TMEM132B: variants seen among roughly 807,000 people sequenced by gnomAD.
TMEM132B encodes the protein transmembrane protein 132B.
TMEM132B carries 18 observed loss-of-function variants against 90.8 expected under a neutral mutation model. The ratio of observed to expected loss-of-function variants is 0.20; its 90% CI spans 0.14 to 0.29. The LOEUF is 0.29. Among genes scored for constraint, TMEM132B ranks in the 10% least tolerant of loss-of-function variants. The pLI, the probability that TMEM132B is intolerant of heterozygous loss-of-function variation, is 1.00. For synonymous variants in TMEM132B, 504 were observed against 523.3 expected (o/e 0.96, Z 0.50); for missense variants, 1,096 against 1,326.8 (o/e 0.83, Z 2.70).
At chr12:125,466,976 G>A (rs1232197072) in intron 3 of TMEM132B, among the ~76,000 whole-genome samples, 5 of 152,194 alleles carry the variant, frequency 3.3e-5, no homozygotes, top group African/African-American at 7.2e-5. Context: ...CACACTGTTC[G>A]CGATGGATCA....
intron 3 of TMEM132B, among the ~76,000 whole-genome samples, chr12:125,455,074 C>T (rs1005290756): frequency 1.3e-5 from 2 of 151,794 alleles, no homozygotes; most frequent in South Asian, 2.1e-4. Flanking sequence ...CAACCATTGA[C>T]GATTCAAGGG....
At chr12:125,274,344 A>G (rs905318619) in intron 1 of TMEM132B, among the ~76,000 whole-genome samples, 1 of 152,166 alleles carries the variant, frequency 6.6e-6, no homozygotes, top group Non-Finnish European at 1.5e-5. Context: ...TGCTGTGAAC[A>G]TTTTTGTATG....
intron 1 of TMEM132B, among the ~76,000 whole-genome samples, chr12:125,323,064 A>G (rs1876472372): frequency 6.6e-6 from 1 of 152,024 alleles, no homozygotes; most frequent in South Asian, 2.1e-4. Flanking sequence ...TCCACATTCC[A>G]TCGTGTGCCT....
rs114282199 is a variant in TMEM132B, at chr12:125,426,547, G to A, written c.1106+10870G>A. 7.6e-3 allele frequency among the ~76,000 whole-genome samples: 1,157 copies of A among 152,274 alleles called. 16 individuals are homozygous for A. Among genetic ancestry groups the A allele is most frequent in the African/African-American group, 0.025 (1,057 of 41,538 alleles). On this transcript the variant is annotated intron_variant, in intron 3 of 8. Transcript: ENST00000682704. ...AAAAAGTCTTATTTTTGGCCCCTGA[G>A]TCTTCCTGATGACCAGGAGGTTCTC...
At chr12:125,491,254 A>T (rs1378266036) in intron 3 of TMEM132B, among the ~76,000 whole-genome samples, 4 of 151,556 alleles carry the variant, frequency 2.6e-5, no homozygotes, top group Non-Finnish European at 5.9e-5. Context: ...TTAAATTATT[A>T]TTTTTAAAAT....
At chr12:125,639,798 G>T (rs186590743) in intron 5 of TMEM132B, among the ~76,000 whole-genome samples, 1 of 152,298 alleles carries the variant, frequency 6.6e-6, no homozygotes, top group East Asian at 1.9e-4. Flanking sequence ...ATTAGGAGTG[G>T]CTCCGGGAAT....
chr12:125,541,150 T>C (rs1883946517), intron 4 of TMEM132B, among the ~76,000 whole-genome samples: 1 of 152,246 alleles, frequency 6.6e-6, no homozygotes, highest in African/African-American at 2.4e-5. Flanking sequence ...ACTCCTTTTA[T>C]GCTGCTTCAG....
intron 1 of TMEM132B, among the ~76,000 whole-genome samples, chr12:125,309,463 T>C (rs935006382): frequency 3.3e-5 from 5 of 152,184 alleles, no homozygotes; most frequent in African/African-American, 4.8e-5. Context: ...TATCTGATGT[T>C]CTCATTCATT....
intron 2 of TMEM132B, among the ~76,000 whole-genome samples, chr12:125,360,756 G>C (rs1877933526): frequency 1.3e-5 from 2 of 151,754 alleles, no homozygotes; most frequent in South Asian, 4.2e-4. Flanking sequence ...GCAGGTTTTG[G>C]ATCAATTAAA....
chr12:125,349,318 C>A lies in TMEM132B; in HGVS notation c.68-134C>A. 1.1e-6 allele frequency: 1 copy of A among 942,404 alleles called. No individual in the cohort carries two copies. The highest frequency in any genetic ancestry group is 2.5e-5 in the East Asian group (1 of 40,562). The allele number at this position is 942,404 out of a possible 1,614,324, so 58.4% of individuals were successfully genotyped here. On this transcript the variant is annotated intron_variant, in intron 1 of 8. Coordinates refer to ENST00000682704, the MANE Select transcript of TMEM132B (RefSeq NM_001366854.1). The surrounding 1 kb of genome is among the most constrained non-coding windows in gnomAD (Gnocchi z 4.1). The stretch of plus-strand genomic sequence containing the variant: ...ATACTTTATATAATTACAGGGCTTT[C>A]ACTGTGATGAGACCTGGGGGAGAAA...
At chr12:125,631,167 G>C (rs1192909989) in intron 5 of TMEM132B, among the ~76,000 whole-genome samples, 1 of 151,670 alleles carries the variant, frequency 6.6e-6, no homozygotes, top group Non-Finnish European at 1.5e-5. Context: ...GTATGCCATA[G>C]GTTTTCTTAT....
At chr12:125,249,826 G>C (rs892860573) in intron 1 of TMEM132B, among the ~76,000 whole-genome samples, 1 of 152,216 alleles carries the variant, frequency 6.6e-6, no homozygotes, top group South Asian at 2.1e-4. Flanking sequence ...TTAATCTCAT[G>C]TCACAGTTAG....
In TMEM132B at chr12:125,605,794, C is replaced by T. The variant is rs149681538; in HGVS notation, c.1437+21800C>T. Reference sequence around the variant, plus strand: ...AAAGAGAATAAGGATGTTGGTTCACCATCCCCCAGGTTTTAGGTTTCAGAT... The same window carrying T: ...AAAGAGAATAAGGATGTTGGTTCACTATCCCCCAGGTTTTAGGTTTCAGAT... On this transcript the variant is annotated intron_variant, in intron 5 of 8. Coordinates refer to ENST00000682704, the MANE Select transcript of TMEM132B (RefSeq NM_001366854.1). Among the ~76,000 whole-genome samples the T allele has an allele frequency of 1.8e-3, 268 of 152,266 alleles. 2 individuals carry two copies. The highest frequency in any genetic ancestry group is 5.8e-3 in the African/African-American group (243 of 41,556).
rs528614393 is a variant in TMEM132B at position 125,535,790 on chromosome 12, T to C, written c.1293+16165T>C. Among the ~76,000 whole-genome samples, 7 of 152,316 alleles carry C rather than the reference T, an allele frequency of 4.6e-5. No homozygotes were observed. The South Asian group carries it at 1.5e-3, about 32-fold the overall frequency. ...CTTTGATTCTGGAAAATGTCCACTT[T>C]GCACAGGTGATGGTTGTAAGGTCCC... On this transcript the variant is annotated intron_variant, in intron 4 of 8. Coordinates refer to ENST00000682704, the MANE Select transcript of TMEM132B (RefSeq NM_001366854.1).
intron 1 of TMEM132B, among the ~76,000 whole-genome samples, chr12:125,236,132 TTTTG>T (rs997303425): frequency 5.2e-5 from 7 of 134,236 alleles, no homozygotes; most frequent in Non-Finnish European, 9.4e-5. Flanking sequence ...TAGTTGAATT[TTTTG>T]TTTGTTTGTT....
At chr12:125,477,774 G>A (rs9919751) in intron 3 of TMEM132B, among the ~76,000 whole-genome samples, 60,258 of 151,964 alleles carry the variant, frequency 0.4, 12,716 homozygotes, top group African/African-American at 0.54. Flanking sequence ...CTGAGAATGG[G>A]TGGACTGCCC....
chr12:125,405,720 G>A (rs1402259813), intron 2 of TMEM132B, among the ~76,000 whole-genome samples: 1 of 152,162 alleles, frequency 6.6e-6, no homozygotes, highest in South Asian at 2.1e-4. Flanking sequence ...CACAGATTTC[G>A]CATTTGTAAG....
rs560080160 is a variant in TMEM132B at position 125,394,452 on chromosome 12, A to C, written c.960-21079A>C. ...GATACACATGAGGATGATGGCAGTG[A>C]CATGGAGAGACACTCGGGACTTATT... is the stretch of plus-strand genomic sequence containing the variant. On this transcript the variant is annotated intron_variant, in intron 2 of 8. Transcript: ENST00000682704. Among the ~76,000 whole-genome samples the C allele has an allele frequency of 2.0e-5, 3 of 152,314 alleles. No individual in the cohort carries two copies. In the East Asian group the frequency reaches 5.8e-4, roughly 29 times the overall value.
chr12:125,434,211 C>A (rs1008715858), intron 3 of TMEM132B, among the ~76,000 whole-genome samples: 1 of 152,170 alleles, frequency 6.6e-6, no homozygotes, highest in Non-Finnish European at 1.5e-5. Context: ...GCCACGGTCA[C>A]GTCTCATTCT....
Sources: gnomAD v4.1 joint callset for allele counts (sites outside exome capture counted in the v4.1 genomes callset) on GRCh38, gnomAD v4.1.1 for gene constraint, Gnocchi (gnomAD v3.1) non-coding constraint, MANE v1.5 for transcripts, NCBI Gene and HGNC (gene_info 2026-07-23, HGNC 2026-07-21) for gene names.